Variants in PARD3B observed in about 807,000 individuals in gnomAD.
The protein encoded by PARD3B is partitioning defective 3 homolog B.
PARD3B carries 103 observed loss-of-function variants against 130.2 expected under a neutral mutation model. The ratio of observed to expected loss-of-function variants is 0.79; its 90% confidence interval spans 0.67 to 0.93. The LOEUF (loss-of-function observed/expected upper bound fraction) is 0.93, where lower values mean the gene tolerates loss of function less well. Among genes scored for constraint, PARD3B ranks in the 40% least tolerant of loss-of-function variants. The pLI is 0.00. For synonymous variants in PARD3B, 583 were observed against 553.2 expected, an observed-to-expected ratio of 1.05 and a Z score of -0.76; for missense variants, 1,609 against 1,499.2, an observed-to-expected ratio of 1.07 and a Z score of -1.21.
At chr2:204,683,027 T>C (rs184422040) in intron 1 of PARD3B, among the ~76,000 whole-genome samples, 1 of 152,368 alleles carries the variant, frequency 6.6e-6, no homozygotes, top group East Asian at 1.9e-4. Flanking sequence ...GTAATGCCTG[T>C]GTTTTTGTTT....
In PARD3B at chr2:204,887,569, G is replaced by A. The variant is rs2046306924; in HGVS notation, c.223-77583G>A. On this transcript the variant is annotated intron_variant, in intron 2 of 22. Coordinates refer to ENST00000406610, the MANE Select transcript of PARD3B (RefSeq NM_001302769.2). This position sits in a 1 kb window ranked among gnomAD's most constrained non-coding sequence, Gnocchi z 4.2. ...ATTTTTTAAAAAGAACGAAGAGATG[G>A]CAAACTAACCTATAAATTAAAAGAA... 6.6e-6 allele frequency among the ~76,000 whole-genome samples: 1 copy of A among 152,134 alleles called. No individual in the cohort carries two copies. The highest frequency in any genetic ancestry group is 2.4e-5 in the African/African-American group (1 of 41,432).
At chr2:205,494,782 C>T (rs1001680713) in intron 20 of PARD3B, among the ~76,000 whole-genome samples, 4 of 152,144 alleles carry the variant, frequency 2.6e-5, no homozygotes, top group Non-Finnish European at 5.9e-5. Flanking sequence ...GTAGAAACAG[C>T]GCTGGTTGGG....
rs148797410 is a variant in PARD3B, at chr2:205,443,056, C to T, written c.3044+2384C>T. On this transcript the variant is annotated intron_variant, in intron 20 of 22. Coordinates refer to ENST00000406610, the MANE Select transcript of PARD3B (RefSeq NM_001302769.2). ...AATTATGCTTAAAGACTGCCCTGCT[C>T]CTTGTTCTTCAAGTCTTCAAGCAAG... Among the ~76,000 whole-genome samples the T allele has an allele frequency of 8.1e-3, 1,226 of 152,284 alleles. 12 individuals carry two copies. Among genetic ancestry groups the T allele is most frequent in the African/African-American group, 0.027 (1,136 of 41,552 alleles).
chr2:205,206,470 G>C (rs2125837438), intron 15 of PARD3B, among the ~76,000 whole-genome samples: 1 of 148,196 alleles, frequency 6.7e-6, no homozygotes, highest in African/African-American at 2.5e-5. Flanking sequence ...TGTGGTGTTT[G>C]GTTTTCTGTT....
At chr2:204,690,307 A>G (rs2037295846) in intron 2 of PARD3B, among the ~76,000 whole-genome samples, 1 of 152,150 alleles carries the variant, frequency 6.6e-6, no homozygotes. Flanking sequence ...AGGCAGAGTA[A>G]TGGCGCCTCA....
At chr2:204,792,021 C>G (rs2042221329) in intron 2 of PARD3B, among the ~76,000 whole-genome samples, 2 of 152,182 alleles carry the variant, frequency 1.3e-5, no homozygotes, top group Non-Finnish European at 2.9e-5. Context: ...TACTAAAATG[C>G]ATACAGGGAT....
intron 1 of PARD3B, among the ~76,000 whole-genome samples, chr2:204,640,764 CT>C (rs927602173): frequency 4.6e-5 from 7 of 151,910 alleles, no homozygotes; most frequent in Admixed American, 3.9e-4. Flanking sequence ...TGTTTTCTTA[CT>C]TTTTTGCAGT....
intron 15 of PARD3B, among the ~76,000 whole-genome samples, chr2:205,245,166 G>A (rs913922479): frequency 6.6e-6 from 1 of 152,182 alleles, no homozygotes; most frequent in Non-Finnish European, 1.5e-5. Flanking sequence ...CCGCACGGCT[G>A]CCTGGAGGCT....
intron 2 of PARD3B, among the ~76,000 whole-genome samples, chr2:204,751,135 A>G (rs2040450582): frequency 6.6e-6 from 1 of 152,072 alleles, no homozygotes; most frequent in Non-Finnish European, 1.5e-5. Context: ...TGATGCTGAA[A>G]TATCTTTCTG....
chr2:205,279,087 A>AAC (rs1559616102), intron 16 of PARD3B, among the ~76,000 whole-genome samples: 7 of 150,422 alleles, frequency 4.7e-5, no homozygotes, highest in African/African-American at 7.3e-5. Context: ...AAAAAAAAAA[A>AAC]AAAAAAAAAC....
chr2:205,167,362 G>A (rs537376335), intron 11 of PARD3B, among the ~76,000 whole-genome samples: 1 of 152,114 alleles, frequency 6.6e-6, no homozygotes, highest in East Asian at 1.9e-4. Flanking sequence ...AGACCCTGGT[G>A]TAAATATTTT....
chr2:205,144,289 A>G (rs548587330), intron 10 of PARD3B, among the ~76,000 whole-genome samples: 2 of 152,364 alleles, frequency 1.3e-5, no homozygotes, highest in East Asian at 3.9e-4. Flanking sequence ...GCAAGCCTAC[A>G]TGAGCCTAGC....
chr2:205,573,407 A>C (rs1006518140), intron 22 of PARD3B, among the ~76,000 whole-genome samples: 1 of 152,156 alleles, frequency 6.6e-6, no homozygotes, highest in Non-Finnish European at 1.5e-5. Flanking sequence ...GGATGGGTGT[A>C]AGGCTGGGTG....
chr2:205,423,870 T>C (rs1204504227), intron 19 of PARD3B, among the ~76,000 whole-genome samples: 2 of 152,102 alleles, frequency 1.3e-5, no homozygotes, highest in African/African-American at 2.4e-5. Context: ...TTCTCACTTA[T>C]AAGTGGGAAC....
intron 22 of PARD3B, among the ~76,000 whole-genome samples, chr2:205,579,572 G>A (rs561320128): frequency 6.6e-6 from 1 of 152,272 alleles, no homozygotes; most frequent in Non-Finnish European, 1.5e-5. Flanking sequence ...TATCCAGCCA[G>A]CAGTACTTCA....
At position 205,505,138 on chromosome 2, in the gene PARD3B, G is replaced by A. The variant is rs371432166; in HGVS notation, c.3180+5107G>A. 2.1e-4 allele frequency among the ~76,000 whole-genome samples: 32 copies of A among 152,052 alleles called. No individual in the cohort carries two copies. The South Asian group carries it at 4.6e-3, about 22-fold the overall frequency. ...CATCATTCTCAGCAAACTATCGCAA[G>A]GACAGAAAACCAAACACCGCATGTT... On this transcript the variant is annotated intron_variant, in intron 21 of 22. Transcript: ENST00000406610.
Position 204,985,552 on chromosome 2 carries a change from G to A in PARD3B, c.394+20229G>A, listed in dbSNP as rs562103508. Among the ~76,000 whole-genome samples, 5 of 152,266 alleles carry A rather than the reference G, an allele frequency of 3.3e-5. No homozygotes were observed. In the South Asian group the frequency reaches 1.0e-3, roughly 32 times the overall value. ...CTTGCCATGCACCACACACATGAAC[G>A]TGGCTGGAATTTGACCAAATGGACA... On this transcript the variant is annotated intron_variant, in intron 3 of 22. Transcript: ENST00000406610.
intron 18 of PARD3B, among the ~76,000 whole-genome samples, chr2:205,349,728 G>A (rs1337214230): frequency 1.4e-5 from 2 of 147,744 alleles, no homozygotes; most frequent in Non-Finnish European, 3.0e-5. Context: ...CATCTTCCTA[G>A]TAATAAAATA....
chr2:205,041,216 C>A (rs535758057), intron 3 of PARD3B, among the ~76,000 whole-genome samples: 1 of 152,110 alleles, frequency 6.6e-6, no homozygotes, highest in African/African-American at 2.4e-5. Context: ...GCTTCATATT[C>A]ATCTTTGTGA....
Sources: allele counts gnomAD v4.1 joint callset (sites outside exome capture counted in the v4.1 genomes callset), GRCh38; gene constraint gnomAD v4.1.1; non-coding constraint Gnocchi (gnomAD v3.1); transcripts MANE v1.5; gene names NCBI Gene and HGNC (gene_info 2026-07-23, HGNC 2026-07-21).